TSHZ2: variants seen among roughly 807,000 people sequenced by gnomAD.
TSHZ2 encodes the protein teashirt zinc finger homeobox 2, also known as teashirt homolog 2.
TSHZ2 carries 21 observed loss-of-function variants against 74.4 expected under a neutral mutation model. That is an observed-to-expected ratio of 0.28 (90% CI 0.20 to 0.41). TSHZ2 has a LOEUF of 0.41. Among genes scored for constraint, TSHZ2 ranks in the 10% least tolerant of loss-of-function variants. The pLI, the probability that TSHZ2 is intolerant of heterozygous loss-of-function variation, is 1.00. For missense variants in TSHZ2, 1,244 were observed against 1,293.5 expected (o/e 0.96, Z 0.59); for synonymous variants, 540 against 515.3 (o/e 1.05, Z -0.65).
intron 1 of TSHZ2, among the ~76,000 whole-genome samples, chr20:53,194,752 G>A (rs1049504878): frequency 2.6e-5 from 4 of 152,206 alleles, no homozygotes; most frequent in Admixed American, 6.5e-5. Context: ...CCCAGCCCAG[G>A]CAGGAAGAGA....
At chr20:53,188,721 A>G (rs117486857) in intron 1 of TSHZ2, among the ~76,000 whole-genome samples, 3 of 152,336 alleles carry the variant, frequency 2.0e-5, no homozygotes, top group Admixed American at 6.5e-5. Context: ...ACATATTAAT[A>G]AACATTCATA....
intron 1 of TSHZ2, among the ~76,000 whole-genome samples, chr20:52,993,519 C>CT (rs1290024476): frequency 6.6e-6 from 1 of 152,104 alleles, no homozygotes; most frequent in South Asian, 2.1e-4. Context: ...AAGTTCTGTG[C>CT]TTTGGTTTGA....
chr20:53,159,744 C>T (rs1373543910), intron 1 of TSHZ2, among the ~76,000 whole-genome samples: 1 of 150,468 alleles, frequency 6.6e-6, no homozygotes, highest in Non-Finnish European at 1.5e-5. Context: ...TTTATTCTTT[C>T]AGTTGATTCT....
intron 1 of TSHZ2, among the ~76,000 whole-genome samples, chr20:53,219,122 G>A (rs1989498564): frequency 6.6e-6 from 1 of 152,168 alleles, no homozygotes; most frequent in East Asian, 1.9e-4. Context: ...CCTTTTCTCA[G>A]TATTTCCATA....
chr20:53,234,882 G>A (rs1989904890), intron 1 of TSHZ2, among the ~76,000 whole-genome samples: 2 of 152,080 alleles, frequency 1.3e-5, no homozygotes. Context: ...CCCTTGGGAG[G>A]TTTTGAGCAG....
chr20:53,304,224 G>A (rs912149350), intron 2 of TSHZ2, among the ~76,000 whole-genome samples: 37 of 124,054 alleles, frequency 3.0e-4, no homozygotes, highest in Non-Finnish European at 5.2e-4. Flanking sequence ...AGAGTGTGAT[G>A]TTCCCCTTCC....
At chr20:53,045,744 T>C (rs6063903) in intron 1 of TSHZ2, among the ~76,000 whole-genome samples, 40,093 of 152,140 alleles carry the variant, frequency 0.26, 9,587 homozygotes, top group African/African-American at 0.64. Context: ...TCTCTACCTA[T>C]GGGTAGTAAT....
rs914379693 is a variant in TSHZ2 at position 53,170,851 on chromosome 20, C to T, written c.41-82648C>T. 2.6e-5 allele frequency among the ~76,000 whole-genome samples: 4 copies of T among 151,810 alleles called. No homozygotes were observed. In the South Asian group the frequency reaches 8.3e-4, roughly 32 times the overall value. The stretch of plus-strand genomic sequence containing the variant: ...CAGCTCTAGCCTTGCCCAAGACACA[C>T]GTCTCTGGCTCTCCCTCCTCCAGTC... On this transcript the variant is annotated intron_variant, in intron 1 of 2. Transcript: ENST00000371497.
intron 1 of TSHZ2, among the ~76,000 whole-genome samples, chr20:52,982,438 T>C (rs930287056): frequency 6.6e-6 from 1 of 152,244 alleles, no homozygotes; most frequent in Non-Finnish European, 1.5e-5. Flanking sequence ...GGATGCTGCC[T>C]TTAGCGGCAT....
chr20:53,031,483 G>A (rs1983637283), intron 1 of TSHZ2, among the ~76,000 whole-genome samples: 1 of 152,192 alleles, frequency 6.6e-6, no homozygotes, highest in Non-Finnish European at 1.5e-5. Flanking sequence ...GATTTGTAGT[G>A]GAGTGCAGCA....
At chr20:53,402,756 C>T (rs1038294884) in intron 2 of TSHZ2, among the ~76,000 whole-genome samples, 9 of 152,050 alleles carry the variant, frequency 5.9e-5, no homozygotes, top group African/African-American at 1.7e-4. Context: ...GCAGAGTCCC[C>T]GGGGCACAAA....
intron 2 of TSHZ2, among the ~76,000 whole-genome samples, chr20:53,392,134 C>T (rs1480068579): frequency 6.6e-6 from 1 of 152,040 alleles, no homozygotes; most frequent in Non-Finnish European, 1.5e-5. Context: ...TGTGATGGAG[C>T]AATGAAATAT....
Position 53,256,390 on chromosome 20 carries a change from C to G in TSHZ2, c.2932C>G (p.Gln978Glu). The G allele has an allele frequency of 6.2e-7, 1 of 1,613,848 alleles. No homozygotes were observed. The highest frequency in any genetic ancestry group is 1.3e-5 in the African/African-American group (1 of 75,022). The change falls in exon 2 of 3, where the codon CAG (glutamine) becomes GAG (glutamate). Residue 978 changes from glutamine (Q) to glutamate (E), a missense_variant. This residue lies in a region of TSHZ2 where 185 missense variants were observed against 213.3 expected (regional missense o/e 0.87). Coordinates refer to ENST00000371497, the MANE Select transcript of TSHZ2 (RefSeq NM_173485.6). This position sits in a 1 kb window ranked among gnomAD's most constrained non-coding sequence, Gnocchi z 4.3. ...AGAGATCTCCCGGGTATCGTCGGCTCAGAGGTCTCCAGAAACAATAGCTGC... is the reference window on the plus strand; with the variant it reads ...AGAGATCTCCCGGGTATCGTCGGCTGAGAGGTCTCCAGAAACAATAGCTGC... ...EQEISRVSSA[Q>E]RSPETIAAEE...
At chr20:52,973,380 C>T (rs938123920) in intron 1 of TSHZ2, 47 bp downstream of exon 1, 16 of 1,547,050 alleles carry the variant, frequency 1.0e-5, no homozygotes, top group Non-Finnish European at 1.4e-5. Flanking sequence ...CGCCGAGCTC[C>T]TCGCCCGCCC....
rs1600769879 is a variant in TSHZ2 at position 53,254,151 on chromosome 20, T to G, written c.693T>G (p.Thr231=). 1 of 1,614,040 alleles carries G rather than the reference T, an allele frequency of 6.2e-7. No homozygotes were observed. The highest frequency in any genetic ancestry group is 8.5e-7 in the Non-Finnish European group (1 of 1,180,006). Residue 231 remains threonine, a synonymous_variant, in exon 2 of 3, where the codon ACT becomes ACG. Coordinates refer to ENST00000371497, the MANE Select transcript of TSHZ2 (RefSeq NM_173485.6). ...SAAYDTLVEL[T]VHMNETGHYQ... ...CCTATGACACCCTAGTCGAGCTGAC[T>G]GTGCACATGAATGAAACGGGCCACT...
At chr20:53,353,482 T>G (rs1020873824) in intron 2 of TSHZ2, among the ~76,000 whole-genome samples, 1 of 152,260 alleles carries the variant, frequency 6.6e-6, no homozygotes, top group African/African-American at 2.4e-5. Flanking sequence ...ATTGTGAATG[T>G]CATTCCCGTG....
chr20:53,247,561 T>C (rs1180448386), intron 1 of TSHZ2, among the ~76,000 whole-genome samples: 1 of 152,170 alleles, frequency 6.6e-6, no homozygotes, highest in East Asian at 1.9e-4. Flanking sequence ...CTAACAGACT[T>C]TTAGACCACA....
At chr20:53,371,679 C>T (rs1981476382) in intron 2 of TSHZ2, among the ~76,000 whole-genome samples, 1 of 152,088 alleles carries the variant, frequency 6.6e-6, no homozygotes, top group East Asian at 1.9e-4. Flanking sequence ...AGTTTCAGAC[C>T]AGCCTGGCCA....
At chr20:52,979,177 A>T (rs1379005618) in intron 1 of TSHZ2, among the ~76,000 whole-genome samples, 7 of 152,082 alleles carry the variant, frequency 4.6e-5, no homozygotes, top group Admixed American at 3.9e-4. Context: ...CACTGGATTT[A>T]TAATTTCTTT....
Sources: gnomAD v4.1 joint callset for allele counts (sites outside exome capture counted in the v4.1 genomes callset) on GRCh38, gnomAD v4.1.1 for gene constraint, gnomAD v4.1.1 regional missense constraint, Gnocchi (gnomAD v3.1) non-coding constraint, MANE v1.5 for transcripts, NCBI Gene and HGNC (gene_info 2026-07-23, HGNC 2026-07-21) for gene names.